INPP4B: variants seen among roughly 807,000 people sequenced by gnomAD.
INPP4B encodes inositol polyphosphate-4-phosphatase type II B, also known as inositol polyphosphate 4-phosphatase type II.
In INPP4B, 55 loss-of-function variants were observed where a neutral mutation model predicts 122.5. The ratio of observed to expected loss-of-function variants is 0.45; its 90% confidence interval spans 0.36 to 0.56. The LOEUF (loss-of-function observed/expected upper bound fraction) is 0.56. Ranked by LOEUF, INPP4B falls within the 20% of genes least tolerant of loss-of-function variation. INPP4B has a pLI of 0.00. For missense variants in INPP4B, 1,000 were observed against 1,097.7 expected (o/e 0.91, Z 1.26); for synonymous variants, 403 against 388.7 (o/e 1.04, Z -0.43).
intron 2 of INPP4B, among the ~76,000 whole-genome samples, chr4:142,490,391 C>G (rs1295196792): frequency 2.0e-5 from 3 of 152,032 alleles, no homozygotes; most frequent in African/African-American, 7.2e-5. Flanking sequence ...TAATAACCAC[C>G]TGTATGCCTG....
intron 2 of INPP4B, among the ~76,000 whole-genome samples, chr4:142,561,609 CG>C (rs1403601423): frequency 6.6e-6 from 1 of 151,884 alleles, no homozygotes; most frequent in African/African-American, 2.4e-5. Flanking sequence ...TTAGTAGAGA[CG>C]GGGTTTCACC....
chr4:142,294,978 G>A (rs1758049949), intron 9 of INPP4B, among the ~76,000 whole-genome samples: 1 of 151,434 alleles, frequency 6.6e-6, no homozygotes, highest in Admixed American at 6.6e-5. Flanking sequence ...GACATATAAA[G>A]TTTCAAGAAA....
At chr4:142,822,331 G>T (rs566503862) in intron 1 of INPP4B, among the ~76,000 whole-genome samples, 1 of 152,218 alleles carries the variant, frequency 6.6e-6, no homozygotes, top group South Asian at 2.1e-4. Context: ...GGAAACAATG[G>T]CTTACACACT....
intron 7 of INPP4B, among the ~76,000 whole-genome samples, chr4:142,364,740 C>T (rs1307620646): frequency 6.6e-6 from 1 of 152,052 alleles, no homozygotes; most frequent in Non-Finnish European, 1.5e-5. Flanking sequence ...CCAACAGGAT[C>T]AGATTCAGGA....
At chr4:142,343,441 C>G (rs570286076) in intron 7 of INPP4B, among the ~76,000 whole-genome samples, 4 of 151,818 alleles carry the variant, frequency 2.6e-5, no homozygotes, top group South Asian at 2.1e-4. Context: ...TAAGAATATT[C>G]TTTGCCTCTG....
intron 18 of INPP4B, among the ~76,000 whole-genome samples, chr4:142,135,403 T>C (rs968871996): frequency 1.2e-4 from 18 of 150,884 alleles, no homozygotes; most frequent in Admixed American, 5.9e-4. Flanking sequence ...ATTTTAGCAA[T>C]TTTTAACCTT....
At chr4:142,735,979 T>C (rs1207907404) in intron 1 of INPP4B, among the ~76,000 whole-genome samples, 3 of 149,428 alleles carry the variant, frequency 2.0e-5, no homozygotes, top group African/African-American at 7.4e-5. Context: ...CCACCACTAT[T>C]CTCTGAATTG....
intron 10 of INPP4B, among the ~76,000 whole-genome samples, chr4:142,263,612 T>C (rs1171985972): frequency 8.1e-6 from 1 of 123,070 alleles, no homozygotes; most frequent in Admixed American, 9.1e-5. Flanking sequence ...GTGAGGAAAA[T>C]AGACCACAAA....
At chr4:142,385,297 C>G (rs1428325247) in intron 7 of INPP4B, among the ~76,000 whole-genome samples, 1 of 151,858 alleles carries the variant, frequency 6.6e-6, no homozygotes. Flanking sequence ...CAATTATAGC[C>G]ATTCTGACTG....
chr4:142,427,608 G>A, intron 5 of INPP4B: 1 of 404,178 alleles, frequency 2.5e-6, no homozygotes. Flanking sequence ...GTTCAAGTAT[G>A]CCATTTCTTG....
chr4:142,244,816 A>G (rs2150073416), intron 11 of INPP4B, among the ~76,000 whole-genome samples: 1 of 152,268 alleles, frequency 6.6e-6, no homozygotes, highest in East Asian at 1.9e-4. Flanking sequence ...TGTCTTCTAA[A>G]ATGGTTGAAC....
chr4:142,194,530 T>C (rs1001380240), intron 14 of INPP4B, among the ~76,000 whole-genome samples: 3 of 152,206 alleles, frequency 2.0e-5, no homozygotes, highest in African/African-American at 7.2e-5. Context: ...CATTATGTTC[T>C]AGTCTACCTT....
intron 1 of INPP4B, among the ~76,000 whole-genome samples, chr4:142,807,699 A>G (rs1028843166): frequency 1.3e-5 from 2 of 152,172 alleles, no homozygotes; most frequent in African/African-American, 4.8e-5. Flanking sequence ...CTACTCAGCA[A>G]CATGCACAGT....
chr4:142,056,093 G>A (rs1578746559), intron 25 of INPP4B, among the ~76,000 whole-genome samples: 1 of 151,872 alleles, frequency 6.6e-6, no homozygotes, highest in Non-Finnish European at 1.5e-5. Context: ...TATGAGAATC[G>A]AACGTCTGTG....
chr4:142,627,760 G>C (rs922994429), intron 2 of INPP4B, among the ~76,000 whole-genome samples: 17 of 152,164 alleles, frequency 1.1e-4, no homozygotes, highest in African/African-American at 3.9e-4. Flanking sequence ...GAATGATGCT[G>C]GCCTCATAAA....
chr4:142,825,529 GA>G (rs1470476153), intron 1 of INPP4B, among the ~76,000 whole-genome samples: 9 of 152,046 alleles, frequency 5.9e-5, no homozygotes, highest in African/African-American at 2.2e-4. Flanking sequence ...TGGAATCTCT[GA>G]CCCCAAGAAG....
chr4:142,301,294 T>C (rs888686071), intron 9 of INPP4B, among the ~76,000 whole-genome samples: 3 of 152,176 alleles, frequency 2.0e-5, no homozygotes, highest in Non-Finnish European at 2.9e-5. Flanking sequence ...ACCTCTACTA[T>C]GTTGCAGGCA....
chr4:142,039,869 G>C lies in INPP4B; in HGVS notation c.2643-10955C>G, dbSNP rs188783940. 6.6e-5 allele frequency among the ~76,000 whole-genome samples: 10 copies of C among 151,930 alleles called. No homozygotes were observed. In the East Asian group the frequency reaches 1.9e-3, roughly 29 times the overall value. ...AATATATGTAAGATGGAAAATTTTT[G>C]ATATATCAATTTTTATTTTGCTGTT... On this transcript the variant is annotated intron_variant, in intron 25 of 25. Transcript: ENST00000262992.
chr4:142,261,691 T>TA (rs1400445202), intron 10 of INPP4B, among the ~76,000 whole-genome samples: 1 of 152,134 alleles, frequency 6.6e-6, no homozygotes, highest in Non-Finnish European at 1.5e-5. Flanking sequence ...TGGCCCTCTT[T>TA]AAGAATCATG....
Sources: allele counts gnomAD v4.1 joint callset (sites outside exome capture counted in the v4.1 genomes callset), GRCh38; gene constraint gnomAD v4.1.1; transcripts MANE v1.5; gene names NCBI Gene and HGNC (gene_info 2026-07-23, HGNC 2026-07-21).